The following PLA2R1 variants were observed in gnomAD, a reference collection of about 807,000 sequenced individuals.
PLA2R1 encodes secretory phospholipase A2 receptor.
In PLA2R1, 158 loss-of-function variants were observed where a neutral mutation model predicts 195.9. That is an observed-to-expected ratio of 0.81 (90% CI 0.71 to 0.92). The LOEUF (loss-of-function observed/expected upper bound fraction) is 0.92. PLA2R1 is among the 40% of genes least tolerant of loss of function. PLA2R1 has a pLI of 0.00. For synonymous variants in PLA2R1, 586 were observed against 598.2 expected (o/e 0.98, Z 0.30); for missense variants, 1,626 against 1,764.6 (o/e 0.92, Z 1.41).
intron 9 of PLA2R1, among the ~76,000 whole-genome samples, chr2:160,014,367 G>A (rs1214096272): frequency 6.6e-6 from 1 of 151,680 alleles, no homozygotes; most frequent in Admixed American, 6.6e-5. Flanking sequence ...GAACAACGAA[G>A]GGTGGCTCTT....
intron 12 of PLA2R1, among the ~76,000 whole-genome samples, chr2:159,986,829 C>T (rs55928181): frequency 0.028 from 4,286 of 152,110 alleles, 181 homozygotes; most frequent in African/African-American, 0.092. Context: ...TCAAGTGAGC[C>T]GCCTGCCTCG....
In PLA2R1 at chr2:159,933,321, T is replaced by A. The variant is rs1686666610; in HGVS notation, c.*8457A>T. The A allele has an allele frequency of 1.3e-5, 2 of 152,206 alleles. No individual in the cohort carries two copies. Among genetic ancestry groups the A allele is most frequent in the Non-Finnish European group, 2.9e-5 (2 of 68,036 alleles). 9.4% of individuals were successfully genotyped at this position (152,206 alleles called of 1,614,324 possible). ...GAGGAACATGCAGATTTTCACTTTTTTAAATCCAGAATTTCAGATTTAGGC... is the reference window on the plus strand; with the variant it reads ...GAGGAACATGCAGATTTTCACTTTTATAAATCCAGAATTTCAGATTTAGGC... On this transcript the variant is annotated 3_prime_UTR_variant, in exon 30 of 30. Coordinates refer to ENST00000283243, the MANE Select transcript of PLA2R1 (RefSeq NM_007366.5).
At chr2:159,995,477 C>T (rs1057250958) in intron 11 of PLA2R1, among the ~76,000 whole-genome samples, 2 of 152,042 alleles carry the variant, frequency 1.3e-5, no homozygotes, top group Non-Finnish European at 2.9e-5. Flanking sequence ...CAGTTATAGA[C>T]ATTCCTAACA....
chr2:159,973,931 T>A (rs1485064295), intron 17 of PLA2R1, among the ~76,000 whole-genome samples: 1 of 152,134 alleles, frequency 6.6e-6, no homozygotes, highest in African/African-American at 2.4e-5. Context: ...GCAGTGGCTA[T>A]GATGACTCAA....
intron 11 of PLA2R1, among the ~76,000 whole-genome samples, chr2:159,999,352 T>TAAATGTCCCTTGTCATACAAATGCC (rs1573860101): frequency 1.8e-4 from 2 of 11,396 alleles, no homozygotes; most frequent in South Asian, 1.4e-3. Context: ...ACGTAATTTT[T>TAAATGTCCCTTGTCATACAAATGCC]TTTTTTTTTT....
At chr2:159,965,628 A>G (rs544410905) in intron 20 of PLA2R1, among the ~76,000 whole-genome samples, 6 of 152,344 alleles carry the variant, frequency 3.9e-5, no homozygotes, top group Admixed American at 1.3e-4. Flanking sequence ...TTACATATAC[A>G]TAAGTTTTCA....
chr2:159,995,498 G>A (rs1691150738), intron 11 of PLA2R1, among the ~76,000 whole-genome samples: 1 of 151,904 alleles, frequency 6.6e-6, no homozygotes, highest in Non-Finnish European at 1.5e-5. Context: ...AAATTCCAAA[G>A]TATATAGAAA....
intron 6 of PLA2R1, among the ~76,000 whole-genome samples, chr2:160,023,971 G>A (rs901509883): frequency 6.7e-6 from 1 of 149,928 alleles, no homozygotes; most frequent in Non-Finnish European, 1.5e-5. Flanking sequence ...GAAGAGCAAG[G>A]GGACCCTAGC....
In PLA2R1 at chr2:159,933,304, T is replaced by G. The variant is rs527837428; in HGVS notation, c.*8474A>C. 8.5e-5 allele frequency: 13 copies of G among 152,322 alleles called. No individual in the cohort carries two copies. The East Asian group carries it at 2.3e-3, about 27-fold the overall frequency. The allele number at this position is 152,322 out of a possible 1,614,324, so 9.4% of individuals were successfully genotyped here. A position where few individuals can be genotyped will look rare whatever the true frequency, so the allele number is the denominator to read the frequency against. ...TTCGTCATTAGGTATTAGAGGAACATGCAGATTTTCACTTTTTTAAATCCA... is the reference window on the plus strand; with the variant it reads ...TTCGTCATTAGGTATTAGAGGAACAGGCAGATTTTCACTTTTTTAAATCCA... On this transcript the variant is annotated 3_prime_UTR_variant, in exon 30 of 30. Coordinates refer to ENST00000283243, the MANE Select transcript of PLA2R1 (RefSeq NM_007366.5).
chr2:159,976,856 T>C (rs150642297), intron 15 of PLA2R1, 136 bp from the exon 16 acceptor site: 1 of 692,308 alleles, frequency 1.4e-6, no homozygotes, highest in African/African-American at 1.8e-5. Flanking sequence ...ATTGTGCTGT[T>C]TGGAATATAT....
chr2:159,994,447 C>T (rs1463596816), intron 11 of PLA2R1, among the ~76,000 whole-genome samples: 3 of 151,970 alleles, frequency 2.0e-5, no homozygotes, highest in Non-Finnish European at 2.9e-5. Flanking sequence ...CTGTAAAATA[C>T]ATTATGTAAT....
Position 159,941,865 on chromosome 2 carries a change from C to A in PLA2R1, c.4305G>T (p.Arg1435=). 6.2e-7 allele frequency: 1 copy of A among 1,613,216 alleles called. No homozygotes were observed. Among genetic ancestry groups the A allele is most frequent in the Non-Finnish European group, 8.5e-7 (1 of 1,179,262 alleles). ...GGFFRRLAGF[R]NPYYPATNFS... The stretch of plus-strand genomic sequence containing the variant: ...AGTTGGTTGCAGGATAGTAAGGATT[C>A]CGAAACCCTGCAAGTCTCCTGAAGA... The change falls in exon 30 of 30, where the codon CGG becomes CGT. Residue 1435 remains arginine (R), a synonymous_variant. Coordinates refer to ENST00000283243, the MANE Select transcript of PLA2R1 (RefSeq NM_007366.5).
chr2:160,006,536 T>G (rs1691997735), intron 10 of PLA2R1, among the ~76,000 whole-genome samples: 1 of 152,214 alleles, frequency 6.6e-6, no homozygotes, highest in Non-Finnish European at 1.5e-5. Context: ...CCAGTATGAA[T>G]GCATCAAAAG....
chr2:159,987,967 T>A (rs1238461065), intron 11 of PLA2R1, among the ~76,000 whole-genome samples: 1 of 152,056 alleles, frequency 6.6e-6, no homozygotes, highest in Non-Finnish European at 1.5e-5. Context: ...GTACTGAGAT[T>A]TTCCCTCCCA....
At chr2:160,056,046 G>A (rs182908452) in intron 1 of PLA2R1, among the ~76,000 whole-genome samples, 3 of 151,904 alleles carry the variant, frequency 2.0e-5, no homozygotes, top group Admixed American at 1.3e-4. Flanking sequence ...CAGACTCCCC[G>A]CTATTCTCCA....
At chr2:159,972,255 T>C (rs1340606714) in intron 17 of PLA2R1, among the ~76,000 whole-genome samples, 1 of 152,144 alleles carries the variant, frequency 6.6e-6, no homozygotes, top group Non-Finnish European at 1.5e-5. Context: ...TGCTAGAAGA[T>C]ACCCAGAATG....
At chr2:159,954,698 C>T (rs1687974069) in intron 23 of PLA2R1, among the ~76,000 whole-genome samples, 1 of 152,024 alleles carries the variant, frequency 6.6e-6, no homozygotes, top group Non-Finnish European at 1.5e-5. Flanking sequence ...TATTCATTGA[C>T]CCTGTTGGCT....
rs1415840086 is a variant in PLA2R1 at position 159,979,839 on chromosome 2, A to C, written c.2259T>G (p.Asp753Glu). Residue 753 changes from aspartate (D) to glutamate (E), a missense_variant, in exon 14 of 30, where the codon GAT becomes GAG. Coordinates refer to ENST00000283243, the MANE Select transcript of PLA2R1 (RefSeq NM_007366.5). Reference protein sequence around the residue: ...PLNAGSWEWSDRTPVVSSFLD... With the variant: ...PLNAGSWEWSERTPVVSSFLD... ...GTTTGAAAAGACTTACAGGAGTTCTATCAGACCACTCCCATGAGCCGGCAT... is the reference window on the plus strand; with the variant it reads ...GTTTGAAAAGACTTACAGGAGTTCTCTCAGACCACTCCCATGAGCCGGCAT... The C allele has an allele frequency of 6.3e-7, 1 of 1,586,462 alleles. No individual in the cohort carries two copies. The highest frequency in any genetic ancestry group is 8.7e-7 in the Non-Finnish European group (1 of 1,155,872).
At position 159,945,068 on chromosome 2, in the gene PLA2R1, A is replaced by C. The variant is rs140724891; in HGVS notation, c.3982T>G (p.Trp1328Gly). Residue 1328 changes from tryptophan to glycine, a missense_variant, in exon 28 of 30, where the codon TGG (tryptophan) becomes GGG (glycine). Transcript: ENST00000283243. ...QFDGNNETIK[W>G]FDGTPTDQSN... Reference sequence around the variant, plus strand: ...TGGTCTGTGGGAGTTCCATCAAACCACTTTATGGTTTCATCTGTGAGAAAA... The same window carrying C: ...TGGTCTGTGGGAGTTCCATCAAACCCCTTTATGGTTTCATCTGTGAGAAAA... 3.8e-4 allele frequency: 605 copies of C among 1,609,456 alleles called. No homozygotes were observed. Among genetic ancestry groups the C allele is most frequent in the Non-Finnish European group, 4.8e-4 (561 of 1,177,194 alleles).
Sources: gnomAD v4.1 joint callset for allele counts (sites outside exome capture counted in the v4.1 genomes callset) on GRCh38, gnomAD v4.1.1 for gene constraint, MANE v1.5 for transcripts, NCBI Gene and HGNC (gene_info 2026-07-23, HGNC 2026-07-21) for gene names.